Variants in CCDC85C observed in about 807,000 individuals in gnomAD.
CCDC85C encodes coiled-coil domain-containing protein 85C.
In CCDC85C, 18 loss-of-function variants were observed where a neutral mutation model predicts 38.3. The observed-to-expected ratio is 0.47, with a 90% CI of 0.33 to 0.70. The LOEUF (loss-of-function observed/expected upper bound fraction) is 0.70. Among genes scored for constraint, CCDC85C ranks in the 30% least tolerant of loss-of-function variants. The pLI is 0.03. For synonymous variants in CCDC85C, 264 were observed against 293.8 expected (o/e 0.90, Z 1.04); for missense variants, 566 against 621.2 (o/e 0.91, Z 0.94).
At chr14:99,551,531 G>A (rs993467083) in intron 1 of CCDC85C, among the ~76,000 whole-genome samples, 4 of 151,786 alleles carry the variant, frequency 2.6e-5, no homozygotes, top group African/African-American at 9.7e-5. Context: ...GTACGTGAGT[G>A]TGCAGGTGGG....
At position 99,533,081 on chromosome 14, in the gene CCDC85C, C is replaced by T. The variant is rs1313993781; in HGVS notation, c.867+2934G>A. Among the ~76,000 whole-genome samples, 2 of 152,206 alleles carry T rather than the reference C, an allele frequency of 1.3e-5. No individual in the cohort carries two copies. Among genetic ancestry groups the T allele is most frequent in the Admixed American group, 6.5e-5 (1 of 15,280 alleles). ...ACAGGTGTGAGCCACCACACCCAGC[C>T]GTGGCTCCTCTGGTTCTGCTGATGC... On this transcript the variant is annotated intron_variant, in intron 2 of 5. Transcript: ENST00000380243. The surrounding 1 kb of genome is among the most constrained non-coding windows in gnomAD (Gnocchi z 4.2).
In CCDC85C at chr14:99,520,415, G is replaced by A. The variant is rs1266694879; in HGVS notation, c.975+1718C>T. Among the ~76,000 whole-genome samples, 2 of 150,426 alleles carry A rather than the reference G, an allele frequency of 1.3e-5. No individual in the cohort carries two copies. The highest frequency in any genetic ancestry group is 3.0e-5 in the Non-Finnish European group (2 of 67,588). ...TGACCCCTCAACCCCCACTCCTGGGGGCCTGCCCGCCGACCAGCCCCGATC... is the reference window on the plus strand; with the variant it reads ...TGACCCCTCAACCCCCACTCCTGGGAGCCTGCCCGCCGACCAGCCCCGATC... On this transcript the variant is annotated intron_variant, in intron 3 of 5. Coordinates refer to ENST00000380243, the MANE Select transcript of CCDC85C (RefSeq NM_001144995.2). This position sits in a 1 kb window ranked among gnomAD's most constrained non-coding sequence, Gnocchi z 4.1.
chr14:99,555,704 C>A (rs1452923007), intron 1 of CCDC85C, among the ~76,000 whole-genome samples: 1 of 152,194 alleles, frequency 6.6e-6, no homozygotes, highest in Non-Finnish European at 1.5e-5. Context: ...TCAGCATCGT[C>A]CCCACCAGAC....
intron 3 of CCDC85C, among the ~76,000 whole-genome samples, chr14:99,518,004 G>A (rs1897252074): frequency 6.6e-6 from 1 of 152,192 alleles, no homozygotes; most frequent in African/African-American, 2.4e-5. Flanking sequence ...GGGGTTTCCA[G>A]GACATCTTCG....
intron 1 of CCDC85C, among the ~76,000 whole-genome samples, chr14:99,552,546 A>C (rs1392271173): frequency 6.6e-6 from 1 of 152,208 alleles, no homozygotes; most frequent in Non-Finnish European, 1.5e-5. Flanking sequence ...GACCTCTCAA[A>C]GGGAAGGCCA....
At chr14:99,559,985 G>A (rs1431573300) in intron 1 of CCDC85C, among the ~76,000 whole-genome samples, 2 of 149,146 alleles carry the variant, frequency 1.3e-5, no homozygotes, top group African/African-American at 5.0e-5. Context: ...AGCTTCTCTA[G>A]GGAACACATC....
Position 99,515,012 on chromosome 14 carries a change from G to A in CCDC85C, c.*234C>T, listed in dbSNP as rs1019966166. ...AGGCGTCCGGGCCGCTCTGCTGCAG[G>A]AACAGTCGCAGCGTCTCGTCTTCCC... On this transcript the variant is annotated 3_prime_UTR_variant, in exon 6 of 6. Transcript: ENST00000380243. 5 of 473,470 alleles carry A rather than the reference G, an allele frequency of 1.1e-5. No homozygotes were observed. Among genetic ancestry groups the A allele is most frequent in the Non-Finnish European group, 1.5e-5 (4 of 259,684 alleles). The allele number at this position is 473,470 out of a possible 1,614,324, so 29.3% of individuals were successfully genotyped here.
chr14:99,530,439 C>G (rs1460193706), intron 2 of CCDC85C, among the ~76,000 whole-genome samples: 2 of 152,174 alleles, frequency 1.3e-5, no homozygotes, highest in Non-Finnish European at 2.9e-5. Context: ...GAAACGCTGA[C>G]CAACAGAGAT....
rs183566185 is a variant in CCDC85C at position 99,534,824 on chromosome 14, A to G, written c.867+1191T>C. On this transcript the variant is annotated intron_variant, in intron 2 of 5. Coordinates refer to ENST00000380243, the MANE Select transcript of CCDC85C (RefSeq NM_001144995.2). ...CGGCCTGTGGCCAAAGCCCTTCACC[A>G]TAGGGCACCTGACAGCAAGGCATGA... 1,482 of 660,096 alleles carry G rather than the reference A, an allele frequency of 2.2e-3. 10 individuals are homozygous for G. In the African/African-American group the frequency reaches 0.023, roughly 10 times the overall value. 40.9% of individuals were successfully genotyped at this position (660,096 alleles called of 1,614,324 possible). A position where few individuals can be genotyped will look rare whatever the true frequency, so the allele number is the denominator to read the frequency against.
At chr14:99,527,106 G>A (rs1295587070) in intron 2 of CCDC85C, among the ~76,000 whole-genome samples, 2 of 152,266 alleles carry the variant, frequency 1.3e-5, no homozygotes, top group Non-Finnish European at 2.9e-5. Flanking sequence ...GACCCCACGG[G>A]AACTGCACCA....
At chr14:99,582,686 C>G (rs1040968481) in intron 1 of CCDC85C, among the ~76,000 whole-genome samples, 1 of 152,090 alleles carries the variant, frequency 6.6e-6, no homozygotes, top group Non-Finnish European at 1.5e-5. Context: ...TGGTGGCGCA[C>G]GCCTGTAATC....
chr14:99,528,846 G>A lies in CCDC85C; in HGVS notation c.868-6606C>T, dbSNP rs556610531. On this transcript the variant is annotated intron_variant, in intron 2 of 5. Coordinates refer to ENST00000380243, the MANE Select transcript of CCDC85C (RefSeq NM_001144995.2). ...ACACACTGGGGCGTGTTAGGGGGAC[G>A]AGGGGAGGGAGAGCATCAGGAAGAA... Among the ~76,000 whole-genome samples the A allele has an allele frequency of 1.2e-4, 18 of 152,200 alleles. No individual in the cohort carries two copies. The South Asian group carries it at 2.3e-3, about 19-fold the overall frequency.
intron 2 of CCDC85C, 174 bp from the exon 3 acceptor site, chr14:99,522,414 TCA>T (rs1897315989): frequency 1.8e-6 from 1 of 551,160 alleles, no homozygotes; most frequent in Admixed American, 3.2e-5. Context: ...CAATCGATCT[TCA>T]CTCTCCCCAG....
In CCDC85C at chr14:99,503,585, C is replaced by T. The variant is rs1229914719; in HGVS notation, c.*11661G>A. 2.6e-6 allele frequency: 4 copies of T among 1,549,322 alleles called. No individual in the cohort carries two copies. Among genetic ancestry groups the T allele is most frequent in the South Asian group, 2.4e-5 (2 of 83,422 alleles). ...TCATCATACTCAGGATCCCAGTTAA[C>T]AATTGTGTATTTTCTTTTGTAACAG... On this transcript the variant is annotated 3_prime_UTR_variant, in exon 6 of 6. Transcript: ENST00000380243.
chr14:99,551,385 G>A (rs1897903532), intron 1 of CCDC85C, among the ~76,000 whole-genome samples: 1 of 152,154 alleles, frequency 6.6e-6, no homozygotes, highest in African/African-American at 2.4e-5. Flanking sequence ...AGGTGAGCAG[G>A]TGAATGCGTG....
chr14:99,573,342 C>G (rs1319467438), intron 1 of CCDC85C, among the ~76,000 whole-genome samples: 2 of 152,244 alleles, frequency 1.3e-5, no homozygotes, highest in Non-Finnish European at 2.9e-5. Context: ...GTTTCAGAAG[C>G]TGCTCCCAGG....
At chr14:99,571,461 C>T (rs1898342073) in intron 1 of CCDC85C, among the ~76,000 whole-genome samples, 1 of 152,212 alleles carries the variant, frequency 6.6e-6, no homozygotes, top group Non-Finnish European at 1.5e-5. Flanking sequence ...CACAGCCGTG[C>T]CGTTCTGTAG....
intron 1 of CCDC85C, among the ~76,000 whole-genome samples, chr14:99,557,620 G>A (rs994897270): frequency 6.6e-6 from 1 of 152,212 alleles, no homozygotes; most frequent in East Asian, 1.9e-4. Flanking sequence ...AGAAAGGAAT[G>A]CCCAGGGTAC....
intron 1 of CCDC85C, among the ~76,000 whole-genome samples, chr14:99,554,203 C>A (rs1364984280): frequency 6.6e-6 from 1 of 152,188 alleles, no homozygotes; most frequent in Non-Finnish European, 1.5e-5. Flanking sequence ...GGACTGTGGC[C>A]ATCCCAGCAC....
Sources: allele counts gnomAD v4.1 joint callset (sites outside exome capture counted in the v4.1 genomes callset), GRCh38; gene constraint gnomAD v4.1.1; non-coding constraint Gnocchi (gnomAD v3.1); transcripts MANE v1.5; gene names NCBI Gene and HGNC (gene_info 2026-07-23, HGNC 2026-07-21).